SPRR2G: variants seen among roughly 807,000 people sequenced by gnomAD.
The protein encoded by SPRR2G is small proline-rich protein 2G.
In SPRR2G, 1 loss-of-function variant was observed where a neutral mutation model predicts 0.7. The observed-to-expected ratio is 1.49, with a 90% CI of 0.53 to 7.06. The LOEUF is 7.06. Among genes scored for constraint, SPRR2G ranks in the 30% most tolerant of loss-of-function variants. The probability of loss-of-function intolerance (pLI) is 0.14; values close to 1 mark genes in which losing one functional copy is unlikely to be tolerated. For missense variants in SPRR2G, 96 were observed against 88.5 expected, an observed-to-expected ratio of 1.09 and a Z score of -0.34; for synonymous variants, 38 against 33.9, an observed-to-expected ratio of 1.12 and a Z score of -0.42.
chr1:153,174,839 T>G, the SPRR2G span, among the ~76,000 whole-genome samples: 2 of 152,138 alleles, frequency 1.3e-5, no homozygotes. Flanking sequence ...AGCCACATAT[T>G]TGAAGCATCT....
At chr1:153,155,178 T>C (rs1300539893), upstream of SPRR2G, among the ~76,000 whole-genome samples, 2 of 152,198 alleles carry the variant, frequency 1.3e-5, no homozygotes, top group South Asian at 2.1e-4. Context: ...ATCTACTAAC[T>C]CACTCATCTA....
chr1:153,168,634 C>G, the SPRR2G span, among the ~76,000 whole-genome samples: 1 of 151,962 alleles, frequency 6.6e-6, no homozygotes, highest in Non-Finnish European at 1.5e-5. Context: ...GAAGGAATTA[C>G]ATAAGCATAT....
the SPRR2G span, among the ~76,000 whole-genome samples, chr1:153,169,780 C>T: frequency 6.6e-6 from 1 of 152,268 alleles, no homozygotes; most frequent in South Asian, 2.1e-4. Flanking sequence ...TTCATGACTC[C>T]TCCTATAGCT....
the SPRR2G span, among the ~76,000 whole-genome samples, chr1:153,170,332 A>T: frequency 1.3e-5 from 2 of 152,216 alleles, no homozygotes; most frequent in African/African-American, 4.8e-5. Flanking sequence ...AATTAATAAC[A>T]TTAGTTATCT....
chr1:153,159,016 T>C, the SPRR2G span, among the ~76,000 whole-genome samples: 1 of 152,176 alleles, frequency 6.6e-6, no homozygotes, highest in East Asian at 1.9e-4. Flanking sequence ...ATTTTTTCCC[T>C]TCTAGGCCTC....
chr1:153,178,247 G>A, the SPRR2G span, among the ~76,000 whole-genome samples: 1 of 152,082 alleles, frequency 6.6e-6, no homozygotes, highest in Non-Finnish European at 1.5e-5. Context: ...AGGAATTTCT[G>A]CATGGGCAAT....
the SPRR2G span, among the ~76,000 whole-genome samples, chr1:153,181,419 T>C: frequency 6.6e-6 from 1 of 152,286 alleles, no homozygotes; most frequent in East Asian, 1.9e-4. Context: ...TACATTTCAG[T>C]TCCTCACTTC....
chr1:153,198,336 A>G, the SPRR2G span, among the ~76,000 whole-genome samples: 4 of 152,166 alleles, frequency 2.6e-5, no homozygotes, highest in Admixed American at 2.0e-4. Flanking sequence ...CTTAAATTCA[A>G]TAGTAAAATT....
the SPRR2G span, among the ~76,000 whole-genome samples, chr1:153,171,389 C>T: frequency 6.6e-6 from 1 of 152,160 alleles, no homozygotes; most frequent in Admixed American, 6.5e-5. Flanking sequence ...ACTACAGGAG[C>T]CTTTACACCC....
the SPRR2G span, among the ~76,000 whole-genome samples, chr1:153,180,364 T>C: frequency 6.6e-6 from 1 of 152,168 alleles, no homozygotes; most frequent in African/African-American, 2.4e-5. Flanking sequence ...AATCATACAG[T>C]ATGAACTCTT....
At chr1:153,178,198 T>A in the SPRR2G span, among the ~76,000 whole-genome samples, 412 of 152,318 alleles carry the variant, frequency 2.7e-3, 1 homozygote, top group African/African-American at 8.7e-3. Flanking sequence ...CTTGATAAAG[T>A]TCCATATTAG....
upstream of SPRR2G, among the ~76,000 whole-genome samples, chr1:153,153,916 C>G (rs1175879256): frequency 1.3e-5 from 2 of 152,034 alleles, no homozygotes; most frequent in Non-Finnish European, 2.9e-5. Flanking sequence ...AGAGGAAAAG[C>G]TTTTAATTTT....
chr1:153,157,858 C>A, the SPRR2G span, among the ~76,000 whole-genome samples: 1 of 136,140 alleles, frequency 7.3e-6, no homozygotes, highest in Non-Finnish European at 1.5e-5. Flanking sequence ...GCCACACTTA[C>A]AATCATGGAA....
chr1:153,194,423 T>C, the SPRR2G span, among the ~76,000 whole-genome samples: 1 of 152,218 alleles, frequency 6.6e-6, no homozygotes, highest in East Asian at 1.9e-4. Flanking sequence ...GGCCAGACAG[T>C]TGATAAACTT....
chr1:153,172,889 A>C, the SPRR2G span, among the ~76,000 whole-genome samples: 1 of 152,216 alleles, frequency 6.6e-6, no homozygotes, highest in South Asian at 2.1e-4. Context: ...TTGGACTGAC[A>C]GTGACCACTT....
chr1:153,189,303 A>C, the SPRR2G span, among the ~76,000 whole-genome samples: 2 of 152,170 alleles, frequency 1.3e-5, no homozygotes, highest in African/African-American at 4.8e-5. Flanking sequence ...GTGTAAGTAC[A>C]TTGAAATTGA....
chr1:153,199,940 G>A, the SPRR2G span, among the ~76,000 whole-genome samples: 1 of 151,956 alleles, frequency 6.6e-6, no homozygotes, highest in African/African-American at 2.4e-5. Context: ...GAATTACACA[G>A]AGAGATAGAA....
chr1:153,169,847 T>C, the SPRR2G span, among the ~76,000 whole-genome samples: 1 of 152,226 alleles, frequency 6.6e-6, no homozygotes, highest in Non-Finnish European at 1.5e-5. Context: ...CTTATTCTTC[T>C]CACCCTCCAA....
the SPRR2G span, among the ~76,000 whole-genome samples, chr1:153,162,879 G>T: frequency 6.6e-6 from 1 of 152,202 alleles, no homozygotes; most frequent in South Asian, 2.1e-4. Flanking sequence ...TGGGTCCCCA[G>T]TGCCTGTGAC....
Sources: allele counts gnomAD v4.1 joint callset (sites outside exome capture counted in the v4.1 genomes callset), GRCh38; gene constraint gnomAD v4.1.1; transcripts MANE v1.5; gene names NCBI Gene and HGNC (gene_info 2026-07-23, HGNC 2026-07-21).